The following DISC1 variants were observed in gnomAD, a reference collection of about 807,000 sequenced individuals.
DISC1 encodes the protein disrupted in schizophrenia 1 protein.
In DISC1, 57 loss-of-function variants were observed where a neutral mutation model predicts 84.5. That is an observed-to-expected ratio of 0.67 (90% CI 0.55 to 0.84). DISC1 has a LOEUF of 0.84. Ranked by LOEUF, DISC1 falls within the 40% of genes least tolerant of loss-of-function variation. The pLI is 0.00. For synonymous variants in DISC1, 411 were observed against 415.2 expected, an observed-to-expected ratio of 0.99 and a Z score of 0.12; for missense variants, 1,000 against 1,057.8, an observed-to-expected ratio of 0.95 and a Z score of 0.76.
chr1:231,988,060 C>T (rs532661558), intron 10 of DISC1, among the ~76,000 whole-genome samples: 31 of 152,210 alleles, frequency 2.0e-4, no homozygotes, highest in Middle Eastern at 6.8e-3. Flanking sequence ...GTGACGTGTG[C>T]CTGTAGTCCC....
At chr1:231,771,640 A>G in intron 6 of DISC1, 1 of 973,156 alleles carries the variant, frequency 1.0e-6, no homozygotes, top group Non-Finnish European at 1.2e-6. Flanking sequence ...AGAAGGTTAT[A>G]ATTTGCCCAA....
At chr1:231,886,786 T>C (rs1160926870) in intron 9 of DISC1, among the ~76,000 whole-genome samples, 154 of 135,358 alleles carry the variant, frequency 1.1e-3, no homozygotes, top group Middle Eastern at 0.011. Flanking sequence ...TTTCTTTCTT[T>C]CTTTCTTTCT....
intron 11 of DISC1, among the ~76,000 whole-genome samples, chr1:232,020,379 C>A (rs982634818): frequency 6.6e-6 from 1 of 152,098 alleles, no homozygotes; most frequent in Admixed American, 6.6e-5. Context: ...AAGGATTCTT[C>A]AAGCCTCTTT....
At chr1:231,714,582 TGGG>T (rs766879011) in intron 3 of DISC1, among the ~76,000 whole-genome samples, 1 of 148,792 alleles carries the variant, frequency 6.7e-6, no homozygotes, top group African/African-American at 2.5e-5. Context: ...GAGATGGAGA[TGGG>T]GGAGAGAGAC....
intron 1 of DISC1, among the ~76,000 whole-genome samples, chr1:231,664,470 T>C (rs143214369): frequency 1.1e-4 from 17 of 152,320 alleles, no homozygotes; most frequent in African/African-American, 3.4e-4. Flanking sequence ...GAGATTAAGT[T>C]AAGGATCTTT....
At chr1:231,728,477 A>C (rs745866302) in intron 3 of DISC1, among the ~76,000 whole-genome samples, 1 of 152,136 alleles carries the variant, frequency 6.6e-6, no homozygotes, top group African/African-American at 2.4e-5. Flanking sequence ...TCCAGGAGTT[A>C]GGCTTTAATA....
chr1:231,859,489 G>A (rs1261105187), intron 9 of DISC1, among the ~76,000 whole-genome samples: 1 of 151,992 alleles, frequency 6.6e-6, no homozygotes, highest in Non-Finnish European at 1.5e-5. Context: ...CTTTTGTAAG[G>A]GGACTAATTC....
intron 9 of DISC1, among the ~76,000 whole-genome samples, chr1:231,832,762 C>G (rs559071055): frequency 4.8e-5 from 7 of 145,784 alleles, no homozygotes; most frequent in African/African-American, 1.8e-4. Context: ...TTTGGCACCA[C>G]AGGGTGGATA....
intron 1 of DISC1, among the ~76,000 whole-genome samples, chr1:231,685,577 C>T (rs995308022): frequency 2.6e-5 from 4 of 152,236 alleles, no homozygotes; most frequent in South Asian, 2.1e-4. Context: ...CTCAGCCTCC[C>T]GAGTAGCTGG....
intron 3 of DISC1, among the ~76,000 whole-genome samples, chr1:231,719,947 GA>G: frequency 6.6e-6 from 1 of 152,320 alleles, no homozygotes; most frequent in East Asian, 1.9e-4. Flanking sequence ...CGATGTAGCA[GA>G]AGGGACAGTT....
chr1:231,766,307 AC>A (rs67407111), intron 4 of DISC1, among the ~76,000 whole-genome samples: 18,477 of 146,040 alleles, frequency 0.13, 1,255 homozygotes, highest in South Asian at 0.18. Context: ...AAAAAAAAAA[AC>A]AAAATTAAGA....
chr1:231,841,648 G>T (rs200164814), intron 9 of DISC1, among the ~76,000 whole-genome samples: 33 of 152,322 alleles, frequency 2.2e-4, no homozygotes, highest in Non-Finnish European at 4.6e-4. Context: ...TCTTTTCAAG[G>T]AACTATTACC....
chr1:232,007,410 C>T (rs1667596979), intron 10 of DISC1, among the ~76,000 whole-genome samples: 1 of 152,196 alleles, frequency 6.6e-6, no homozygotes, highest in South Asian at 2.1e-4. Flanking sequence ...GAACCCATCT[C>T]TTGCATCAGC....
chr1:231,855,442 C>T (rs1465548830), intron 9 of DISC1: 1 of 984,406 alleles, frequency 1.0e-6, no homozygotes, highest in Non-Finnish European at 1.2e-6. Flanking sequence ...AGCAGTTAAA[C>T]TTAATTTCCA....
intron 9 of DISC1, among the ~76,000 whole-genome samples, chr1:231,871,754 G>A (rs1293713193): frequency 6.6e-6 from 1 of 152,138 alleles, no homozygotes; most frequent in African/African-American, 2.4e-5. Context: ...TTTGCCTTTG[G>A]GGTGCATGCG....
intron 9 of DISC1, among the ~76,000 whole-genome samples, chr1:231,940,748 T>C (rs1482826983): frequency 6.6e-6 from 1 of 152,240 alleles, no homozygotes. Flanking sequence ...TTTTAATACA[T>C]GCAGTTTTCA....
intron 10 of DISC1, among the ~76,000 whole-genome samples, chr1:231,978,889 C>T (rs570328492): frequency 1.4e-4 from 21 of 152,170 alleles, no homozygotes; most frequent in African/African-American, 4.1e-4. Flanking sequence ...CTCCAACCCC[C>T]GGGCCATGGA....
In DISC1 at chr1:231,953,394, C is replaced by T. The variant is rs372530409; in HGVS notation, c.1982-5434C>T. Among the ~76,000 whole-genome samples the T allele has an allele frequency of 7.2e-5, 11 of 152,322 alleles. No individual in the cohort carries two copies. The East Asian group carries it at 1.4e-3, about 19-fold the overall frequency. Reference sequence around the variant, plus strand: ...ACTTACACAATCTTATGCCATCCTACCTGCCAAGACATTCCAGCTGCAAGT... The same window carrying T: ...ACTTACACAATCTTATGCCATCCTATCTGCCAAGACATTCCAGCTGCAAGT... On this transcript the variant is annotated intron_variant, in intron 9 of 12. Coordinates refer to ENST00000439617, the MANE Select transcript of DISC1 (RefSeq NM_018662.3).
intron 1 of DISC1, among the ~76,000 whole-genome samples, chr1:231,655,764 G>GT (rs1218056860): frequency 6.6e-6 from 1 of 152,086 alleles, no homozygotes; most frequent in Non-Finnish European, 1.5e-5. Context: ...AACATCTCTT[G>GT]TTTTTTGACT....
Sources: allele counts gnomAD v4.1 joint callset (sites outside exome capture counted in the v4.1 genomes callset), GRCh38; gene constraint gnomAD v4.1.1; transcripts MANE v1.5; gene names NCBI Gene and HGNC (gene_info 2026-07-23, HGNC 2026-07-21).